The following NRCAM variants were observed in gnomAD, a reference collection of about 807,000 sequenced individuals.
NRCAM encodes the protein neuronal cell adhesion molecule.
Under a neutral mutation model 156.5 loss-of-function variants are expected in NRCAM, and 83 were observed. The observed-to-expected ratio is 0.53, with a 90% CI of 0.44 to 0.64. NRCAM has a LOEUF of 0.64. NRCAM is among the 30% of genes least tolerant of loss of function. The pLI is 0.00. For missense variants in NRCAM, 1,417 were observed against 1,597.3 expected, an observed-to-expected ratio of 0.89 and a Z score of 1.92; for synonymous variants, 538 against 563.9, an observed-to-expected ratio of 0.95 and a Z score of 0.65.
intron 2 of NRCAM, among the ~76,000 whole-genome samples, chr7:108,386,589 CAT>C (rs975430208): frequency 1.2e-4 from 18 of 152,168 alleles, no homozygotes; most frequent in African/African-American, 4.1e-4. Flanking sequence ...TTTATTTTCA[CAT>C]AGAATATAGA....
At chr7:108,317,541 C>A (rs1025751925) in intron 2 of NRCAM, among the ~76,000 whole-genome samples, 1 of 152,120 alleles carries the variant, frequency 6.6e-6, no homozygotes, top group African/African-American at 2.4e-5. Context: ...AACTATTTTT[C>A]AAGTTCACTG....
intron 3 of NRCAM, among the ~76,000 whole-genome samples, chr7:108,262,290 C>T (rs1447899555): frequency 4.6e-5 from 7 of 152,074 alleles, no homozygotes; most frequent in Admixed American, 3.3e-4. Flanking sequence ...ACCACCTCCC[C>T]GACAGAAGGA....
At chr7:108,268,805 T>G (rs1210950160) in intron 3 of NRCAM, among the ~76,000 whole-genome samples, 1 of 152,202 alleles carries the variant, frequency 6.6e-6, no homozygotes, top group Non-Finnish European at 1.5e-5. Flanking sequence ...TCATGTGAAA[T>G]CCAGCTCCTA....
At chr7:108,319,624 T>A (rs1403163706) in intron 2 of NRCAM, among the ~76,000 whole-genome samples, 3 of 152,154 alleles carry the variant, frequency 2.0e-5, no homozygotes, top group Non-Finnish European at 4.4e-5. Context: ...TTTGAAAAGT[T>A]GTTAAGGCAG....
chr7:108,216,265 T>G (rs1489739307), intron 11 of NRCAM, among the ~76,000 whole-genome samples: 5 of 152,330 alleles, frequency 3.3e-5, no homozygotes, highest in Non-Finnish European at 7.3e-5. Context: ...CTTGTAGGGT[T>G]TCTGCCAAAA....
chr7:108,293,390 C>A (rs568764072), intron 3 of NRCAM, among the ~76,000 whole-genome samples: 1 of 152,304 alleles, frequency 6.6e-6, no homozygotes, highest in Admixed American at 6.5e-5. Context: ...AGCTGCCCTT[C>A]CTTCCTGCTG....
At chr7:108,215,571 G>A (rs1295618977) in intron 11 of NRCAM, among the ~76,000 whole-genome samples, 1 of 152,048 alleles carries the variant, frequency 6.6e-6, no homozygotes, top group African/African-American at 2.4e-5. Context: ...CTAAGAACTT[G>A]CTTTATGAAT....
chr7:108,172,301 T>C (rs1216325223), intron 28 of NRCAM, among the ~76,000 whole-genome samples: 1 of 139,788 alleles, frequency 7.2e-6, no homozygotes, highest in Admixed American at 7.5e-5. Flanking sequence ...ATTTATGAAA[T>C]GGAGTCTCGT....
chr7:108,169,816 A>T (rs568858450), intron 28 of NRCAM, among the ~76,000 whole-genome samples: 2 of 152,336 alleles, frequency 1.3e-5, no homozygotes, highest in East Asian at 1.9e-4. Context: ...TAATTTTCTT[A>T]AAAAATTTTG....
chr7:108,381,562 T>TC (rs1491274188), intron 2 of NRCAM, among the ~76,000 whole-genome samples: 5 of 106,426 alleles, frequency 4.7e-5, no homozygotes, highest in South Asian at 5.8e-4. Context: ...TTTTTTTTTC[T>TC]TTTTTTTTTT....
rs535726146 is a variant in NRCAM, at chr7:108,212,260, G to A, written c.891-2655C>T. On this transcript the variant is annotated intron_variant, in intron 11 of 32. Coordinates refer to ENST00000379028, the MANE Select transcript of NRCAM (RefSeq NM_001037132.4). The stretch of plus-strand genomic sequence containing the variant: ...ATCTGAACAACAGACTTCAGCCCTA[G>A]ACCTTCCCTCTGACAGAATCTACCC... Among the ~76,000 whole-genome samples, 50 of 152,292 alleles carry A rather than the reference G, an allele frequency of 3.3e-4. 2 individuals are homozygous for A. In the South Asian group the frequency reaches 9.5e-3, roughly 29 times the overall value.
chr7:108,391,167 G>A (rs1389005906), intron 2 of NRCAM, among the ~76,000 whole-genome samples: 1 of 152,124 alleles, frequency 6.6e-6, no homozygotes, highest in Non-Finnish European at 1.5e-5. Context: ...AATGTTGACA[G>A]TGGGGTGTTA....
intron 3 of NRCAM, among the ~76,000 whole-genome samples, chr7:108,279,609 G>A (rs1393191674): frequency 1.3e-5 from 2 of 151,266 alleles, no homozygotes; most frequent in Non-Finnish European, 2.9e-5. Context: ...GCCTTGACCT[G>A]CCGCCTTCCC....
chr7:108,153,352 T>A (rs574393130), intron 32 of NRCAM, among the ~76,000 whole-genome samples: 1 of 152,090 alleles, frequency 6.6e-6, no homozygotes, highest in Non-Finnish European at 1.5e-5. Context: ...AATATGATAA[T>A]CTCAGTAAAT....
In NRCAM at chr7:108,255,170, TC is replaced by T. The variant is rs111800077; in HGVS notation, c.-106-15001del. Among the ~76,000 whole-genome samples, 67 of 87,102 alleles carry T rather than the reference TC, an allele frequency of 7.7e-4. 1 individual carries two copies. The highest frequency in any genetic ancestry group is 9.7e-3 in the Middle Eastern group (2 of 206). 57.1% of individuals were successfully genotyped at this position (87,102 alleles called of 152,430 possible). A position where few individuals can be genotyped will look rare whatever the true frequency, so the allele number is the denominator to read the frequency against. On this transcript the variant is annotated intron_variant, in intron 3 of 32. Coordinates refer to ENST00000379028, the MANE Select transcript of NRCAM (RefSeq NM_001037132.4). ...GAGCCTCTCCCTCTCCCTCTCCCCC[TC>T]CCCCCCCTGCCCCTCCCACTTTCCA...
chr7:108,285,054 A>T (rs1230463830), intron 3 of NRCAM, among the ~76,000 whole-genome samples: 1 of 152,246 alleles, frequency 6.6e-6, no homozygotes, highest in African/African-American at 2.4e-5. Flanking sequence ...ACGAAAAGTC[A>T]GGAGCACCAA....
Position 108,207,548 on chromosome 7 carries a change from G to A in NRCAM, c.1187C>T (p.Thr396Ile). The A allele has an allele frequency of 6.2e-7, 1 of 1,613,882 alleles. No individual in the cohort carries two copies. Among genetic ancestry groups the A allele is most frequent in the Non-Finnish European group, 8.5e-7 (1 of 1,179,930 alleles). Reference sequence around the variant, plus strand: ...CTTACTTTCTATTGGGACTCCATTTGTTAACCAGCTAATTCTGGGTTTGGG... The same window carrying A: ...CTTACTTTCTATTGGGACTCCATTTATTAACCAGCTAATTCTGGGTTTGGG... ...GNPKPRISWL[T>I]NGVPIEIAPD... Residue 396 changes from threonine (T) to isoleucine (I), a missense_variant, in exon 13 of 33, where the codon ACA becomes ATA. Physicochemically the swap from Thr to Ile is moderately conservative, Grantham distance 89. Transcript: ENST00000379028.
intron 25 of NRCAM, among the ~76,000 whole-genome samples, chr7:108,179,044 G>A (rs1029939210): frequency 1.3e-4 from 20 of 152,144 alleles, no homozygotes; most frequent in African/African-American, 4.8e-4. Context: ...AACCATGCCT[G>A]GCACATAGTT....
At chr7:108,378,506 T>C (rs1229828733) in intron 2 of NRCAM, among the ~76,000 whole-genome samples, 1 of 152,000 alleles carries the variant, frequency 6.6e-6, no homozygotes, top group Admixed American at 6.6e-5. Context: ...ATAGGACCTC[T>C]AGAAAGACAC....
Sources: gnomAD v4.1 joint callset for allele counts (sites outside exome capture counted in the v4.1 genomes callset) on GRCh38, gnomAD v4.1.1 for gene constraint, MANE v1.5 for transcripts, NCBI Gene and HGNC (gene_info 2026-07-23, HGNC 2026-07-21) for gene names.